MAPKAP1: variants seen among roughly 807,000 people sequenced by gnomAD.
The protein encoded by MAPKAP1 is target of rapamycin complex 2 subunit MAPKAP1.
In MAPKAP1, 20 loss-of-function variants were observed where a neutral mutation model predicts 65.7. The observed-to-expected ratio is 0.30, with a 90% confidence interval of 0.21 to 0.44. The LOEUF (loss-of-function observed/expected upper bound fraction) is 0.44. MAPKAP1 is among the 20% of genes least tolerant of loss of function. MAPKAP1 has a pLI of 1.00. For missense variants in MAPKAP1, 423 were observed against 648.0 expected (o/e 0.65, Z 3.77); for synonymous variants, 222 against 244.3 (o/e 0.91, Z 0.85).
intron 5 of MAPKAP1, 109 bp downstream of exon 5, chr9:125,585,446 A>G: frequency 4.2e-6 from 5 of 1,179,392 alleles, no homozygotes; most frequent in Non-Finnish European, 6.1e-6. Context: ...GGATCAGTGC[A>G]GAAGTGTGGT....
chr9:125,562,140 T>C (rs1324940896), intron 5 of MAPKAP1, among the ~76,000 whole-genome samples: 2 of 152,204 alleles, frequency 1.3e-5, no homozygotes, highest in African/African-American at 4.8e-5. Flanking sequence ...AATAAGCCTA[T>C]TGATCAAAGC....
At chr9:125,570,399 G>T (rs1030446940) in intron 5 of MAPKAP1, among the ~76,000 whole-genome samples, 2 of 149,578 alleles carry the variant, frequency 1.3e-5, no homozygotes, top group Non-Finnish European at 3.0e-5. Context: ...TAACTTGCCT[G>T]CTTTACAGCT....
At chr9:125,458,630 A>G (rs2132963164) in intron 10 of MAPKAP1, among the ~76,000 whole-genome samples, 2 of 151,512 alleles carry the variant, frequency 1.3e-5, no homozygotes, top group South Asian at 4.2e-4. Flanking sequence ...CTACACAGAC[A>G]GGGCAACCAT....
chr9:125,496,673 C>T (rs1422895050), intron 8 of MAPKAP1, among the ~76,000 whole-genome samples: 1 of 152,148 alleles, frequency 6.6e-6, no homozygotes, highest in Non-Finnish European at 1.5e-5. Context: ...CAAAGAGGGT[C>T]GGAAGCACAC....
At chr9:125,693,540 C>T (rs868582640) in intron 1 of MAPKAP1, among the ~76,000 whole-genome samples, 151 of 147,702 alleles carry the variant, frequency 1.0e-3, no homozygotes, top group Non-Finnish European at 1.6e-3. Flanking sequence ...TATACACACA[C>T]ATATATACAT....
chr9:125,577,749 C>T (rs1831484171), intron 5 of MAPKAP1, among the ~76,000 whole-genome samples: 2 of 136,550 alleles, frequency 1.5e-5, no homozygotes, highest in South Asian at 2.5e-4. Flanking sequence ...GCCTGGCCGC[C>T]CCTACTGGGA....
chr9:125,622,031 C>T lies in MAPKAP1; in HGVS notation c.498+35620G>A, dbSNP rs116676207. On this transcript the variant is annotated intron_variant, in intron 4 of 11. Coordinates refer to ENST00000265960, the MANE Select transcript of MAPKAP1 (RefSeq NM_001006617.3). Reference sequence around the variant, plus strand: ...ATTATGTTGAGAGAGAGAAGTCAGGCACTGAAAGATAAATACCACATGTTC... The same window carrying T: ...ATTATGTTGAGAGAGAGAAGTCAGGTACTGAAAGATAAATACCACATGTTC... 4.4e-3 allele frequency among the ~76,000 whole-genome samples: 671 copies of T among 152,184 alleles called. 4 individuals carry two copies. Among genetic ancestry groups the T allele is most frequent in the African/African-American group, 0.016 (647 of 41,524 alleles).
intron 1 of MAPKAP1, 102 bp from the exon 2 acceptor site, chr9:125,672,745 C>T: frequency 4.3e-6 from 3 of 696,020 alleles, no homozygotes; most frequent in Non-Finnish European, 7.2e-6. Context: ...CCTTGAAAAT[C>T]AACATTTATC....
chr9:125,634,811 G>A (rs924102263), intron 4 of MAPKAP1, among the ~76,000 whole-genome samples: 5 of 152,144 alleles, frequency 3.3e-5, no homozygotes, highest in African/African-American at 7.2e-5. Context: ...CTACTTTCAC[G>A]AGCATCTTCT....
chr9:125,621,800 T>C (rs553763661), intron 4 of MAPKAP1, among the ~76,000 whole-genome samples: 14 of 152,204 alleles, frequency 9.2e-5, no homozygotes, highest in African/African-American at 1.9e-4. Flanking sequence ...ATTTAATAAT[T>C]TGAACATATT....
At chr9:125,531,713 A>G (rs535981885) in intron 7 of MAPKAP1, among the ~76,000 whole-genome samples, 5 of 152,314 alleles carry the variant, frequency 3.3e-5, no homozygotes, top group Admixed American at 1.3e-4. Flanking sequence ...AGAACTGAAC[A>G]CTGAGAACCC....
intron 1 of MAPKAP1, among the ~76,000 whole-genome samples, chr9:125,702,447 T>C (rs553551765): frequency 2.5e-4 from 38 of 151,990 alleles, no homozygotes; most frequent in Non-Finnish European, 4.4e-4. Context: ...GGCAGGAGAA[T>C]TGCTTGAACC....
At chr9:125,529,461 A>G (rs1414870449) in intron 7 of MAPKAP1, among the ~76,000 whole-genome samples, 2 of 151,144 alleles carry the variant, frequency 1.3e-5, no homozygotes, top group African/African-American at 4.9e-5. Context: ...TCAGTTACAC[A>G]TTATCTTAAT....
intron 8 of MAPKAP1, among the ~76,000 whole-genome samples, chr9:125,500,648 C>T (rs1392335578): frequency 6.6e-6 from 1 of 152,070 alleles, no homozygotes; most frequent in East Asian, 1.9e-4. Context: ...AAACCAGGAA[C>T]AATTATTGTC....
chr9:125,576,272 G>A (rs914942494), intron 5 of MAPKAP1, among the ~76,000 whole-genome samples: 1 of 152,158 alleles, frequency 6.6e-6, no homozygotes, highest in African/African-American at 2.4e-5. Context: ...GAACCCTAAT[G>A]TATAACTGCT....
chr9:125,674,091 G>C (rs996537933), intron 1 of MAPKAP1, among the ~76,000 whole-genome samples: 18 of 152,000 alleles, frequency 1.2e-4, no homozygotes, highest in Middle Eastern at 3.4e-3. Flanking sequence ...AGACAGAAAG[G>C]GTTCAAACCC....
intron 10 of MAPKAP1, among the ~76,000 whole-genome samples, chr9:125,458,642 C>A (rs1446275909): frequency 2.6e-5 from 4 of 151,092 alleles, no homozygotes; most frequent in Non-Finnish European, 5.9e-5. Flanking sequence ...GGCAACCATC[C>A]GATTTCTCAA....
intron 4 of MAPKAP1, among the ~76,000 whole-genome samples, chr9:125,653,768 C>T (rs369688829): frequency 1.2e-4 from 18 of 152,214 alleles, no homozygotes; most frequent in African/African-American, 4.1e-4. Flanking sequence ...TCTCACTGTG[C>T]TAGATGCTTC....
intron 4 of MAPKAP1, among the ~76,000 whole-genome samples, chr9:125,611,058 T>C (rs995247572): frequency 9.2e-5 from 14 of 152,240 alleles, no homozygotes; most frequent in Non-Finnish European, 1.6e-4. Context: ...TGATATATTA[T>C]GGTTGAGTAG....
Sources: allele counts gnomAD v4.1 joint callset (sites outside exome capture counted in the v4.1 genomes callset), GRCh38; gene constraint gnomAD v4.1.1; transcripts MANE v1.5; gene names NCBI Gene and HGNC (gene_info 2026-07-23, HGNC 2026-07-21).